PTPRD: variants seen among roughly 807,000 people sequenced by gnomAD.
PTPRD encodes protein tyrosine phosphatase receptor type D, also known as receptor-type tyrosine-protein phosphatase delta.
PTPRD carries 34 observed loss-of-function variants against 214.5 expected under a neutral mutation model. The ratio of observed to expected loss-of-function variants is 0.16; its 90% CI spans 0.12 to 0.21. PTPRD has a LOEUF of 0.21. Among genes scored for constraint, PTPRD ranks in the 10% least tolerant of loss-of-function variants. PTPRD has a pLI of 1.00. For missense variants in PTPRD, 2,545 were observed against 2,398.7 expected (o/e 1.06, Z -1.27); for synonymous variants, 1,128 against 845.7 (o/e 1.33, Z -5.79).
chr9:10,357,707 C>T (rs182663470), intron 2 of PTPRD, among the ~76,000 whole-genome samples: 50 of 152,246 alleles, frequency 3.3e-4, no homozygotes, highest in African/African-American at 1.2e-3. Context: ...ATGGCTACTC[C>T]ATAGGCAGAG....
chr9:10,055,528 G>C (rs1026156320), intron 3 of PTPRD, among the ~76,000 whole-genome samples: 1 of 152,078 alleles, frequency 6.6e-6, no homozygotes, highest in East Asian at 1.9e-4. Flanking sequence ...GCAAATGGTC[G>C]ATCCAGGATT....
At chr9:8,838,608 T>C (rs559926240) in intron 11 of PTPRD, among the ~76,000 whole-genome samples, 59 of 151,998 alleles carry the variant, frequency 3.9e-4, no homozygotes, top group Non-Finnish European at 7.6e-4. Context: ...GGTTATTTAG[T>C]TTGACAGATT....
At chr9:10,074,748 T>A (rs2098103506) in intron 3 of PTPRD, among the ~76,000 whole-genome samples, 1 of 152,090 alleles carries the variant, frequency 6.6e-6, no homozygotes, top group South Asian at 2.1e-4. Context: ...AGCTTATGTT[T>A]CCAAACCAGA....
At chr9:9,260,821 C>T (rs1020851412) in intron 9 of PTPRD, among the ~76,000 whole-genome samples, 1 of 151,808 alleles carries the variant, frequency 6.6e-6, no homozygotes. Flanking sequence ...TAGGACAAAC[C>T]GTGCAGAAAT....
intron 11 of PTPRD, among the ~76,000 whole-genome samples, chr9:8,741,615 A>G (rs1014763124): frequency 5.3e-4 from 48 of 91,000 alleles, no homozygotes; most frequent in African/African-American, 2.1e-3. Flanking sequence ...ATGAAGTCTC[A>G]TTCTGTTGCC....
At chr9:9,579,693 G>C (rs773406076) in intron 7 of PTPRD, among the ~76,000 whole-genome samples, 2 of 152,090 alleles carry the variant, frequency 1.3e-5, no homozygotes, top group Non-Finnish European at 2.9e-5. Context: ...GTTAGATGTA[G>C]CTTAGAGATA....
At chr9:8,890,367 A>G (rs1366104904) in intron 11 of PTPRD, among the ~76,000 whole-genome samples, 1 of 152,206 alleles carries the variant, frequency 6.6e-6, no homozygotes, top group African/African-American at 2.4e-5. Context: ...TCACATTTCT[A>G]TCTGGATGTG....
In PTPRD at chr9:9,095,688, G is replaced by A. The variant is rs373770827; in HGVS notation, c.-142-76953C>T. 1.1e-4 allele frequency among the ~76,000 whole-genome samples: 16 copies of A among 152,250 alleles called. No individual in the cohort carries two copies. In the East Asian group the frequency reaches 2.9e-3, roughly 28 times the overall value. ...ATTGGGAGAACCATTATGGAAAACA[G>A]TATGGAGGTTTCAAAATAAATTAAA... On this transcript the variant is annotated intron_variant, in intron 10 of 45. Coordinates refer to ENST00000381196, the MANE Select transcript of PTPRD (RefSeq NM_002839.4).
intron 5 of PTPRD, among the ~76,000 whole-genome samples, chr9:9,767,343 T>C (rs934147901): frequency 1.1e-4 from 16 of 152,058 alleles, no homozygotes; most frequent in Non-Finnish European, 1.5e-4. Flanking sequence ...ATAGTAATAA[T>C]GTTTCAAAAA....
At chr9:10,330,739 G>A (rs1274049836) in intron 3 of PTPRD, among the ~76,000 whole-genome samples, 3 of 151,804 alleles carry the variant, frequency 2.0e-5, no homozygotes, top group African/African-American at 4.8e-5. Context: ...GTTAGGCTCA[G>A]GAGCAGCTTG....
At position 8,484,055 on chromosome 9, in the gene PTPRD, G is replaced by C. The variant is rs902055359; in HGVS notation, c.3413+64C>G. Reference sequence around the variant, plus strand: ...CTTCTTTTACGACCTCTATAATTTTGAGATATAATGTTCCTATTTACCTAT... The same window carrying C: ...CTTCTTTTACGACCTCTATAATTTTCAGATATAATGTTCCTATTTACCTAT... On this transcript the variant is annotated intron_variant, in intron 30 of 45. Coordinates refer to ENST00000381196, the MANE Select transcript of PTPRD (RefSeq NM_002839.4). 8 of 1,538,648 alleles carry C rather than the reference G, an allele frequency of 5.2e-6. No homozygotes were observed. The South Asian group carries it at 8.8e-5, about 17-fold the overall frequency.
chr9:8,713,455 T>C, intron 12 of PTPRD: 1 of 1,110,726 alleles, frequency 9.0e-7, no homozygotes, highest in South Asian at 1.3e-5. Context: ...GTACTTCGTA[T>C]CTCAGTTAAA....
chr9:8,322,197 C>G (rs375171378), intron 44 of PTPRD, among the ~76,000 whole-genome samples: 1 of 151,862 alleles, frequency 6.6e-6, no homozygotes, highest in Non-Finnish European at 1.5e-5. Context: ...ACAACAATAT[C>G]GAAATTAGGC....
At chr9:9,271,582 T>C (rs952135417) in intron 9 of PTPRD, among the ~76,000 whole-genome samples, 1 of 151,386 alleles carries the variant, frequency 6.6e-6, no homozygotes, top group African/African-American at 2.4e-5. Context: ...CTAATTAAAT[T>C]ATTAAAATCT....
intron 9 of PTPRD, among the ~76,000 whole-genome samples, chr9:9,334,139 C>A (rs564284810): frequency 6.6e-6 from 1 of 151,884 alleles, no homozygotes; most frequent in African/African-American, 2.4e-5. Context: ...ACATAGATCT[C>A]GTCATCAATT....
intron 5 of PTPRD, among the ~76,000 whole-genome samples, chr9:9,888,591 C>A (rs2071908681): frequency 6.6e-6 from 1 of 152,154 alleles, no homozygotes. Flanking sequence ...GCTGGCAATT[C>A]CTTCCCCTTT....
chr9:10,199,641 G>T (rs535609023), intron 3 of PTPRD, among the ~76,000 whole-genome samples: 1 of 151,914 alleles, frequency 6.6e-6, no homozygotes, highest in Non-Finnish European at 1.5e-5. Context: ...CTCAGATGTG[G>T]ATAATATAAT....
At chr9:9,573,881 T>A (rs2087440668) in intron 8 of PTPRD, among the ~76,000 whole-genome samples, 2 of 151,824 alleles carry the variant, frequency 1.3e-5, no homozygotes, top group African/African-American at 4.8e-5. Flanking sequence ...TTAAAACATC[T>A]TTTTCAAGAT....
chr9:8,624,332 C>T (rs1204674307), intron 14 of PTPRD, among the ~76,000 whole-genome samples: 2 of 151,864 alleles, frequency 1.3e-5, no homozygotes, highest in Non-Finnish European at 2.9e-5. Flanking sequence ...TTGTATCATC[C>T]TATTTCCTTG....
Sources: allele counts gnomAD v4.1 joint callset (sites outside exome capture counted in the v4.1 genomes callset), GRCh38; gene constraint gnomAD v4.1.1; transcripts MANE v1.5; gene names NCBI Gene and HGNC (gene_info 2026-07-23, HGNC 2026-07-21).